Variants in FBXO34 observed in about 807,000 individuals in gnomAD.
FBXO34 encodes the protein F-box protein 34.
FBXO34 carries 12 observed loss-of-function variants against 24.5 expected under a neutral mutation model. The ratio of observed to expected loss-of-function variants is 0.49; its 90% confidence interval spans 0.31 to 0.79. The LOEUF (loss-of-function observed/expected upper bound fraction) is 0.79, where lower values mean the gene tolerates loss of function less well. Ranked by LOEUF, FBXO34 falls within the 30% of genes least tolerant of loss-of-function variation. The pLI is 0.04. For missense variants in FBXO34, 823 were observed against 857.7 expected, an observed-to-expected ratio of 0.96 and a Z score of 0.51; for synonymous variants, 320 against 311.9, an observed-to-expected ratio of 1.03 and a Z score of -0.27.
At chr14:55,394,517 G>T in the FBXO34 span, among the ~76,000 whole-genome samples, 1 of 152,092 alleles carries the variant, frequency 6.6e-6, no homozygotes, top group African/African-American at 2.4e-5. Flanking sequence ...TTCACACATT[G>T]ATAAGCTGTT....
At chr14:55,286,257 C>A (rs568054471) in intron 1 of FBXO34, among the ~76,000 whole-genome samples, 1 of 152,068 alleles carries the variant, frequency 6.6e-6, no homozygotes, top group South Asian at 2.1e-4. Flanking sequence ...GAAGATTCGA[C>A]GTGAATTCAA....
At chr14:55,440,732 C>T in the FBXO34 span, 37 of 595,486 alleles carry the variant, frequency 6.2e-5, no homozygotes, top group Middle Eastern at 4.5e-4. Context: ...GGCAGTCACC[C>T]CACTCTGCCC....
At chr14:55,342,656 C>T (rs1430403591) in intron 1 of FBXO34, among the ~76,000 whole-genome samples, 1 of 152,164 alleles carries the variant, frequency 6.6e-6, no homozygotes, top group Non-Finnish European at 1.5e-5. Flanking sequence ...TATTCACACC[C>T]TCCTGGTCTT....
chr14:55,365,869 C>G (rs1478987231), downstream of FBXO34, among the ~76,000 whole-genome samples: 1 of 152,190 alleles, frequency 6.6e-6, no homozygotes, highest in Non-Finnish European at 1.5e-5. Context: ...ATCTTCTCCA[C>G]CACCTGCAGG....
chr14:55,431,715 T>C, the FBXO34 span, among the ~76,000 whole-genome samples: 2 of 152,226 alleles, frequency 1.3e-5, no homozygotes, highest in African/African-American at 4.8e-5. Flanking sequence ...GATCCTTCAA[T>C]AAATGTATCT....
chr14:55,361,270 T>C (rs1884591939), intron 3 of FBXO34, among the ~76,000 whole-genome samples: 1 of 152,240 alleles, frequency 6.6e-6, no homozygotes, highest in Non-Finnish European at 1.5e-5. Context: ...CCATCAGAGC[T>C]CTTGGATGAC....
rs151022485 is a variant in FBXO34 at position 55,304,884 on chromosome 14, G to T, written c.-11+33347G>T. Among the ~76,000 whole-genome samples the T allele has an allele frequency of 5.3e-5, 8 of 152,204 alleles. No homozygotes were observed. In the East Asian group the frequency reaches 7.7e-4, roughly 15 times the overall value. ...GGTTTTTCAAAATCTTTTTTAAAAAGATTTATTTAAAATATGTTTTTAACC... is the reference window on the plus strand; with the variant it reads ...GGTTTTTCAAAATCTTTTTTAAAAATATTTATTTAAAATATGTTTTTAACC... On this transcript the variant is annotated intron_variant, in intron 1 of 1. Coordinates refer to ENST00000313833, the MANE Select transcript of FBXO34 (RefSeq NM_017943.4).
At chr14:55,436,072 G>A in the FBXO34 span, 7 of 519,354 alleles carry the variant, frequency 1.3e-5, no homozygotes, top group East Asian at 2.4e-4. Context: ...TGAAATACAT[G>A]ACATGATTCC....
chr14:55,359,851 G>A (rs1375953326), intron 3 of FBXO34, among the ~76,000 whole-genome samples: 1 of 151,686 alleles, frequency 6.6e-6, no homozygotes, highest in East Asian at 1.9e-4. Flanking sequence ...AGGCCACGGT[G>A]GGAGGGCTGC....
downstream of FBXO34, among the ~76,000 whole-genome samples, chr14:55,372,886 C>T (rs531881841): frequency 5.3e-5 from 8 of 152,310 alleles, no homozygotes; most frequent in African/African-American, 1.4e-4. Context: ...CCACCTGGCA[C>T]GGAGCAGGCG....
the FBXO34 span, chr14:55,381,917 T>C: frequency 6.5e-7 from 1 of 1,530,858 alleles, no homozygotes; most frequent in Middle Eastern, 1.7e-4. Flanking sequence ...ATTTTACCTA[T>C]AACTCTCTCT....
the FBXO34 span, chr14:55,390,942 T>A: frequency 6.2e-7 from 1 of 1,605,306 alleles, no homozygotes; most frequent in African/African-American, 1.3e-5. Context: ...CTTTACATAT[T>A]GTTTGTTTTA....
At chr14:55,420,886 C>T in the FBXO34 span, among the ~76,000 whole-genome samples, 8,870 of 151,652 alleles carry the variant, frequency 0.058, 335 homozygotes, top group Non-Finnish European at 0.085. Flanking sequence ...GGTGAAACCC[C>T]GTCTCTACTA....
chr14:55,308,861 C>T (rs1182703638), intron 1 of FBXO34, among the ~76,000 whole-genome samples: 1 of 152,152 alleles, frequency 6.6e-6, no homozygotes, highest in African/African-American at 2.4e-5. Context: ...TTTTGCTGGT[C>T]TCTGACTGAA....
At chr14:55,283,278 T>A (rs1566539427) in intron 1 of FBXO34, among the ~76,000 whole-genome samples, 2 of 151,108 alleles carry the variant, frequency 1.3e-5, no homozygotes, top group Admixed American at 6.6e-5. Context: ...GATAAAAAGC[T>A]AAAAAAAAAT....
At chr14:55,381,238 C>G in the FBXO34 span, among the ~76,000 whole-genome samples, 1 of 152,188 alleles carries the variant, frequency 6.6e-6, no homozygotes, top group East Asian at 1.9e-4. Flanking sequence ...GTGCATGACA[C>G]AAAGCATGAG....
chr14:55,312,655 G>A (rs368941147), intron 1 of FBXO34, among the ~76,000 whole-genome samples: 42 of 152,328 alleles, frequency 2.8e-4, no homozygotes, highest in African/African-American at 9.6e-4. Flanking sequence ...TCGTGCACCT[G>A]CAGGCCCAAC....
At chr14:55,298,950 G>A in intron 1 of FBXO34, 1 of 1,586,704 alleles carries the variant, frequency 6.3e-7, no homozygotes, top group Non-Finnish European at 8.7e-7. Context: ...TGCAGCCAAG[G>A]CCAAGAAGGC....
chr14:55,297,162 A>C (rs964993637), intron 1 of FBXO34, among the ~76,000 whole-genome samples: 1 of 152,276 alleles, frequency 6.6e-6, no homozygotes, highest in Non-Finnish European at 1.5e-5. Context: ...CTGCCGGCAT[A>C]TATGTCTGCA....
Sources: gnomAD v4.1 joint callset for allele counts (sites outside exome capture counted in the v4.1 genomes callset) on GRCh38, gnomAD v4.1.1 for gene constraint, MANE v1.5 for transcripts, NCBI Gene and HGNC (gene_info 2026-07-23, HGNC 2026-07-21) for gene names.